Variants in NEDD9 observed in about 807,000 individuals in gnomAD.
NEDD9 encodes enhancer of filamentation 1.
In NEDD9, 26 loss-of-function variants were observed where a neutral mutation model predicts 76.6. The observed-to-expected ratio is 0.34, with a 90% CI of 0.25 to 0.47. The LOEUF (loss-of-function observed/expected upper bound fraction) is 0.47. Ranked by LOEUF, NEDD9 falls within the 20% of genes least tolerant of loss-of-function variation. NEDD9 has a pLI of 1.00. For missense variants in NEDD9, 937 were observed against 1,058.5 expected (o/e 0.89, Z 1.59); for synonymous variants, 392 against 414.2 (o/e 0.95, Z 0.65).
intron 3 of NEDD9, among the ~76,000 whole-genome samples, chr6:11,290,765 C>T (rs914924993): frequency 9.9e-5 from 15 of 152,124 alleles, no homozygotes; most frequent in African/African-American, 2.7e-4. Context: ...ACATGTCTTC[C>T]GAGTCTCAGT....
intron 1 of NEDD9, among the ~76,000 whole-genome samples, chr6:11,360,530 G>C (rs768087259): frequency 1.3e-5 from 2 of 152,168 alleles, no homozygotes; most frequent in African/African-American, 2.4e-5. Flanking sequence ...CCTGGTTGCT[G>C]TTCTCCTGAT....
chr6:11,197,116 A>T (rs1758313066), intron 2 of NEDD9, among the ~76,000 whole-genome samples: 1 of 152,070 alleles, frequency 6.6e-6, no homozygotes, highest in African/African-American at 2.4e-5. Context: ...GGTTAAGGGG[A>T]CCTCAAGTTT....
intron 3 of NEDD9, among the ~76,000 whole-genome samples, chr6:11,276,025 C>A (rs1760410490): frequency 6.6e-6 from 1 of 152,184 alleles, no homozygotes; most frequent in South Asian, 2.1e-4. Context: ...CATCTCAAGA[C>A]ATCATTAGAT....
At chr6:11,202,104 C>G (rs1199253075) in intron 2 of NEDD9, among the ~76,000 whole-genome samples, 2 of 152,156 alleles carry the variant, frequency 1.3e-5, no homozygotes, top group Non-Finnish European at 2.9e-5. Flanking sequence ...GATTTATAAC[C>G]TCACCATTCA....
chr6:11,218,574 T>C (rs908941044), intron 1 of NEDD9, among the ~76,000 whole-genome samples: 1 of 152,176 alleles, frequency 6.6e-6, no homozygotes, highest in Admixed American at 6.5e-5. Flanking sequence ...TCCTTTTGCA[T>C]TTCCAGAACT....
At chr6:11,377,438 G>A (rs1005908590) in intron 1 of NEDD9, among the ~76,000 whole-genome samples, 15 of 152,228 alleles carry the variant, frequency 9.9e-5, no homozygotes, top group African/African-American at 3.6e-4. Context: ...CTAAATGTAG[G>A]ACTTGGAGTC....
At position 11,253,789 on chromosome 6, in the gene NEDD9, A is replaced by G. The variant is rs182879833; in HGVS notation, c.13-40062T>C. On this transcript the variant is annotated intron_variant, in intron 3 of 3. Coordinates refer to the NEDD9 transcript ENST00000397378. ...CAGGATTCTATAAAAAGAATAAAAT[A>G]GATCCAGCACCCACCCTCTAAGACA... 2.2e-4 allele frequency among the ~76,000 whole-genome samples: 33 copies of G among 152,360 alleles called. 1 individual carries two copies. The East Asian group carries it at 6.4e-3, about 29-fold the overall frequency.
intron 3 of NEDD9, among the ~76,000 whole-genome samples, chr6:11,192,859 G>A (rs916405331): frequency 1.2e-4 from 17 of 145,720 alleles, no homozygotes; most frequent in African/African-American, 3.8e-4. Flanking sequence ...CCTGAACCCG[G>A]GAGGCAGAGG....
At chr6:11,260,065 C>T (rs1760078446) in intron 3 of NEDD9, among the ~76,000 whole-genome samples, 1 of 152,074 alleles carries the variant, frequency 6.6e-6, no homozygotes, top group Non-Finnish European at 1.5e-5. Context: ...AGCATATAGC[C>T]TTTCTTTTAA....
At chr6:11,346,997 C>T (rs1306266537) in intron 1 of NEDD9, among the ~76,000 whole-genome samples, 2 of 152,124 alleles carry the variant, frequency 1.3e-5, no homozygotes, top group Non-Finnish European at 2.9e-5. Context: ...CATGTATCTC[C>T]ATGGGCTAAG....
At chr6:11,210,983 CA>C (rs1399209243) in intron 2 of NEDD9, among the ~76,000 whole-genome samples, 2 of 152,228 alleles carry the variant, frequency 1.3e-5, no homozygotes, top group Admixed American at 6.5e-5. Flanking sequence ...CCATCCTGGC[CA>C]TGTCACTACC....
Position 11,192,533 on chromosome 6 carries a change from A to C in NEDD9, c.562-87T>G, listed in dbSNP as rs924783880. The C allele has an allele frequency of 1.0e-5, 9 of 886,986 alleles. No individual in the cohort carries two copies. The African/African-American group carries it at 1.4e-4, about 14-fold the overall frequency. The allele number at this position is 886,986 out of a possible 1,614,324, so 54.9% of individuals were successfully genotyped here. A position where few individuals can be genotyped will look rare whatever the true frequency, so the allele number is the denominator to read the frequency against. On this transcript the variant is annotated intron_variant, in intron 3 of 6. Transcript: ENST00000379446. ...CTCCTAAGCACTTAATTATGGATTT[A>C]TTTACCAGGTTATGTACAAGCTTGA...
Position 11,295,121 on chromosome 6 carries a change from C to A in NEDD9, c.12+10871G>T, listed in dbSNP as rs1760861153. The stretch of plus-strand genomic sequence containing the variant: ...TAAACCTCTTTTTCTATATAAATTA[C>A]CCAGTCTTGGGTAGGTCTTTATTAG... On this transcript the variant is annotated intron_variant, in intron 3 of 3. Transcript: ENST00000397378. Among the ~76,000 whole-genome samples, 3 of 152,010 alleles carry A rather than the reference C, an allele frequency of 2.0e-5. No individual in the cohort carries two copies. In the South Asian group the frequency reaches 6.2e-4, roughly 31 times the overall value.
chr6:11,220,477 C>G (rs1204103864), intron 1 of NEDD9, among the ~76,000 whole-genome samples: 2 of 152,200 alleles, frequency 1.3e-5, no homozygotes, highest in African/African-American at 4.8e-5. Context: ...CGAAGGTACT[C>G]TTTGACATGG....
chr6:11,327,412 T>C lies in NEDD9; in HGVS notation c.-153+7089A>G, dbSNP rs77101648. 8.3e-3 allele frequency among the ~76,000 whole-genome samples: 1,263 copies of C among 152,362 alleles called. 20 individuals are homozygous for C. Among genetic ancestry groups the C allele is most frequent in the African/African-American group, 0.029 (1,213 of 41,576 alleles). ...CATACAGTTTTAGGCAAAAGAAAAC[T>C]TGACATTTTAATACACCTGTGAGTC... On this transcript the variant is annotated intron_variant, in intron 2 of 3. Coordinates refer to the NEDD9 transcript ENST00000397378.
chr6:11,202,261 A>G (rs1758474061), intron 2 of NEDD9, among the ~76,000 whole-genome samples: 3 of 152,150 alleles, frequency 2.0e-5, no homozygotes, highest in Non-Finnish European at 4.4e-5. Context: ...TATTTATATT[A>G]TCTCTCTTTG....
At chr6:11,259,166 C>T (rs1760059274) in intron 3 of NEDD9, 2 of 152,240 alleles carry the variant, frequency 1.3e-5, no homozygotes, top group Non-Finnish European at 2.9e-5. Context: ...GCTCTTTCTA[C>T]TGCCTTTTCG....
chr6:11,228,251 C>T (rs1426962422), intron 1 of NEDD9, among the ~76,000 whole-genome samples: 1 of 152,074 alleles, frequency 6.6e-6, no homozygotes, highest in African/African-American at 2.4e-5. Flanking sequence ...TGCAAAAAGG[C>T]CGGGTGCGGT....
intron 2 of NEDD9, among the ~76,000 whole-genome samples, chr6:11,320,332 C>T (rs916618002): frequency 6.6e-6 from 1 of 152,172 alleles, no homozygotes; most frequent in South Asian, 2.1e-4. Flanking sequence ...GAGGGGGAAC[C>T]TGGTCTTCTA....
Sources: gnomAD v4.1 joint callset for allele counts (sites outside exome capture counted in the v4.1 genomes callset) on GRCh38, gnomAD v4.1.1 for gene constraint, MANE v1.5 for transcripts, NCBI Gene and HGNC (gene_info 2026-07-23, HGNC 2026-07-21) for gene names.